Variants in CDK19 observed in about 807,000 individuals in gnomAD.
CDK19 encodes the protein cyclin-dependent kinase 19.
A neutral mutation model predicts 68.3 loss-of-function variants in CDK19; 20 were observed. That is an observed-to-expected ratio of 0.29 (90% CI 0.21 to 0.43). The LOEUF is 0.43. Ranked by LOEUF, CDK19 falls within the 20% of genes least tolerant of loss-of-function variation. CDK19 has a pLI of 1.00. For missense variants in CDK19, 339 were observed against 623.5 expected (o/e 0.54, Z 4.86); for synonymous variants, 221 against 222.8 (o/e 0.99, Z 0.07).
Position 110,622,079 on chromosome 6 carries a change from A to G in CDK19, c.1110+9T>C, listed in dbSNP as rs759748166. On this transcript the variant is annotated intron_variant, in intron 11 of 12. Transcript: ENST00000368911. ...CTTTGGAAGTGAAAGTATACCGTGC[A>G]GTTTATACCTTGTCACCTTTTTCTT... 25 of 1,574,812 alleles carry G rather than the reference A, an allele frequency of 1.6e-5. No individual in the cohort carries two copies. The highest frequency in any genetic ancestry group is 1.3e-4 in the South Asian group (11 of 87,642).
At chr6:110,805,460 C>A (rs2115131979) in intron 1 of CDK19, among the ~76,000 whole-genome samples, 1 of 151,678 alleles carries the variant, frequency 6.6e-6, no homozygotes, top group East Asian at 1.9e-4. Context: ...TCTAACCCTG[C>A]ACTATAGAAT....
At chr6:110,644,948 C>T (rs145777363) in intron 4 of CDK19, among the ~76,000 whole-genome samples, 4 of 152,224 alleles carry the variant, frequency 2.6e-5, no homozygotes, top group African/African-American at 4.8e-5. Context: ...TAATCCTAAA[C>T]CTGTTATGTA....
intron 1 of CDK19, among the ~76,000 whole-genome samples, chr6:110,778,778 T>C (rs1231349658): frequency 6.6e-6 from 1 of 152,152 alleles, no homozygotes; most frequent in Admixed American, 6.5e-5. Context: ...ACTGGTCAAT[T>C]AGCTAGAAGT....
chr6:110,747,399 T>C (rs989974862), intron 1 of CDK19, among the ~76,000 whole-genome samples: 1 of 152,166 alleles, frequency 6.6e-6, no homozygotes, highest in Admixed American at 6.5e-5. Context: ...AATTAAACAG[T>C]ATTTTGACAA....
chr6:110,710,918 G>T (rs1228855192), intron 2 of CDK19, among the ~76,000 whole-genome samples: 2 of 152,094 alleles, frequency 1.3e-5, no homozygotes, highest in Non-Finnish European at 2.9e-5. Flanking sequence ...TTCTTATATT[G>T]CATGTAAAAA....
intron 2 of CDK19, among the ~76,000 whole-genome samples, chr6:110,734,994 T>C (rs1442946514): frequency 6.6e-6 from 1 of 152,218 alleles, no homozygotes; most frequent in East Asian, 1.9e-4. Flanking sequence ...AAGTAATGTA[T>C]ATTCAAATGA....
At chr6:110,726,471 G>A (rs1003812384) in intron 2 of CDK19, among the ~76,000 whole-genome samples, 1 of 152,096 alleles carries the variant, frequency 6.6e-6, no homozygotes, top group African/African-American at 2.4e-5. Flanking sequence ...GGATTATTAA[G>A]TAATAATTGA....
chr6:110,635,609 G>C (rs955427274), intron 5 of CDK19, among the ~76,000 whole-genome samples: 4 of 152,036 alleles, frequency 2.6e-5, no homozygotes, highest in African/African-American at 9.7e-5. Context: ...GCATGATCTC[G>C]GCTCACTGCA....
At chr6:110,712,097 G>A (rs1319518596) in intron 2 of CDK19, among the ~76,000 whole-genome samples, 2 of 152,178 alleles carry the variant, frequency 1.3e-5, no homozygotes, top group Non-Finnish European at 2.9e-5. Flanking sequence ...CTCCCCAAAT[G>A]ATGTTATGTA....
intron 2 of CDK19, among the ~76,000 whole-genome samples, chr6:110,744,719 G>A (rs1008145443): frequency 1.3e-5 from 2 of 152,162 alleles, no homozygotes; most frequent in African/African-American, 4.8e-5. Flanking sequence ...ACAGTCCAGG[G>A]AGAGGCTCCC....
rs1778048041 is a variant in CDK19, at chr6:110,745,979, C to T, written c.204+147G>A. 4 of 436,904 alleles carry T rather than the reference C, an allele frequency of 9.2e-6. No individual in the cohort carries two copies. The South Asian group carries it at 2.3e-4, about 25-fold the overall frequency. 27.1% of individuals were successfully genotyped at this position (436,904 alleles called of 1,614,324 possible). A position where few individuals can be genotyped will look rare whatever the true frequency, so the allele number is the denominator to read the frequency against. ...TTAAAAATAAAATAAAAAGTTTATG[C>T]AGATTTTCTCACTCTACATAAAATA... On this transcript the variant is annotated intron_variant, in intron 2 of 12. Transcript: ENST00000368911.
rs867165746 is a variant in CDK19 at position 110,732,021 on chromosome 6, A to C, written c.204+14105T>G. 2.2e-4 allele frequency among the ~76,000 whole-genome samples: 33 copies of C among 152,250 alleles called. No homozygotes were observed. In the South Asian group the frequency reaches 2.9e-3, roughly 13 times the overall value. On this transcript the variant is annotated intron_variant, in intron 2 of 12. Transcript: ENST00000368911. ...TCTATATCTTTCCCAAAACTAAGTAATCAGATCTGTGAAATTCAGGTCACC... is the reference window on the plus strand; with the variant it reads ...TCTATATCTTTCCCAAAACTAAGTACTCAGATCTGTGAAATTCAGGTCACC...
In CDK19 at chr6:110,612,535, T is replaced by C. The variant is rs1452552103; in HGVS notation, c.*2000A>G. The C allele has an allele frequency of 6.6e-6, 1 of 152,304 alleles. No individual in the cohort carries two copies. Among genetic ancestry groups the C allele is most frequent in the Non-Finnish European group, 1.5e-5 (1 of 68,024 alleles). The allele number at this position is 152,304 out of a possible 1,614,324, so 9.4% of individuals were successfully genotyped here. Reference sequence around the variant, plus strand: ...TTACTGTCACAGATCACAAGCTCCTTAAGGACAAGAAGTATGCCCTGTCCT... The same window carrying C: ...TTACTGTCACAGATCACAAGCTCCTCAAGGACAAGAAGTATGCCCTGTCCT... On this transcript the variant is annotated 3_prime_UTR_variant, in exon 13 of 13. Transcript: ENST00000368911.
intron 2 of CDK19, among the ~76,000 whole-genome samples, chr6:110,745,715 C>T (rs1175846837): frequency 6.6e-6 from 1 of 152,014 alleles, no homozygotes; most frequent in East Asian, 1.9e-4. Context: ...ACCTTTAATT[C>T]CAGCAATTTG....
At chr6:110,620,015 C>A (rs1778605744) in intron 12 of CDK19, among the ~76,000 whole-genome samples, 1 of 152,100 alleles carries the variant, frequency 6.6e-6, no homozygotes, top group South Asian at 2.1e-4. Flanking sequence ...GATTTTATAA[C>A]AAAATTCAAA....
In CDK19 at chr6:110,613,714, C is replaced by T. The variant is rs1430668554; in HGVS notation, c.*821G>A. On this transcript the variant is annotated 3_prime_UTR_variant, in exon 13 of 13. Transcript: ENST00000368911. ...TCTTCAGCGTTTTGGTGTGGGCCAT[C>T]GAGACTGTACAAAGCTCTTGAAACC... The T allele has an allele frequency of 6.6e-6, 1 of 152,640 alleles. No individual in the cohort carries two copies. The highest frequency in any genetic ancestry group is 1.5e-5 in the Non-Finnish European group (1 of 68,018). 9.5% of individuals were successfully genotyped at this position (152,640 alleles called of 1,614,324 possible). A position where few individuals can be genotyped will look rare whatever the true frequency, so the allele number is the denominator to read the frequency against.
chr6:110,707,022 A>G (rs1183006206), intron 2 of CDK19: 4 of 134,630 alleles, frequency 3.0e-5, no homozygotes, highest in South Asian at 2.5e-4. Flanking sequence ...AAAAAAACTG[A>G]GAAGGCAGCC....
chr6:110,785,074 CA>C (rs66578190), intron 1 of CDK19, among the ~76,000 whole-genome samples: 11,221 of 64,962 alleles, frequency 0.17, 458 homozygotes, highest in African/African-American at 0.32. Flanking sequence ...ACTGAATTGT[CA>C]AAAAAAAAAA....
intron 1 of CDK19, among the ~76,000 whole-genome samples, chr6:110,780,746 AAAG>A (rs1327761302): frequency 2.6e-5 from 4 of 152,106 alleles, no homozygotes; most frequent in Admixed American, 6.5e-5. Flanking sequence ...GAGCTGCTTG[AAAG>A]AAGAATGTTC....
Sources: gnomAD v4.1 joint callset for allele counts (sites outside exome capture counted in the v4.1 genomes callset) on GRCh38, gnomAD v4.1.1 for gene constraint, MANE v1.5 for transcripts, NCBI Gene and HGNC (gene_info 2026-07-23, HGNC 2026-07-21) for gene names.